Variants in ATP11C observed in about 807,000 individuals in gnomAD.
ATP11C encodes the protein ATPase phospholipid transporting 11C (ATP11C blood group).
Under a neutral mutation model 97.4 loss-of-function variants are expected in ATP11C, and 36 were observed. That is an observed-to-expected ratio of 0.37 (90% CI 0.28 to 0.49). The LOEUF (loss-of-function observed/expected upper bound fraction) is 0.49, where lower values mean the gene tolerates loss of function less well. Among genes scored for constraint, ATP11C ranks in the 20% least tolerant of loss-of-function variants. The probability of loss-of-function intolerance (pLI) is 0.98; values close to 1 mark genes in which losing one functional copy is unlikely to be tolerated. For synonymous variants in ATP11C, 275 were observed against 290.9 expected (o/e 0.95, Z 0.56); for missense variants, 730 against 824.6 (o/e 0.89, Z 1.40).
At chrX:139,814,160 C>A (rs1448273586) in intron 5 of ATP11C, among the ~76,000 whole-genome samples, 2 of 109,897 alleles carry the variant, frequency 1.8e-5, no homozygotes, top group African/African-American at 3.3e-5. Context: ...TTGACATGGA[C>A]AAGTCAAAAA....
chrX:139,753,261 C>A (rs1257677554), intron 23 of ATP11C, among the ~76,000 whole-genome samples: 9 of 111,489 alleles, frequency 8.1e-5, no homozygotes, highest in Non-Finnish European at 1.7e-4. Flanking sequence ...AAAAATCATA[C>A]CAACCATACT....
At chrX:139,790,521 G>A (rs1287263503) in intron 12 of ATP11C, among the ~76,000 whole-genome samples, 2 of 108,834 alleles carry the variant, frequency 1.8e-5, no homozygotes, top group Non-Finnish European at 3.8e-5. Flanking sequence ...GGGCTAGTAC[G>A]TACATTACCC....
intron 1 of ATP11C, among the ~76,000 whole-genome samples, chrX:139,852,538 C>A (rs916725064): frequency 1.1e-5 from 1 of 91,103 alleles, no homozygotes; most frequent in Non-Finnish European, 2.1e-5. Context: ...TGACTCTGTG[C>A]GCAGACCAAG....
intron 28 of ATP11C, among the ~76,000 whole-genome samples, chrX:139,732,913 G>T (rs1025212279): frequency 9.0e-6 from 1 of 111,363 alleles, no homozygotes; most frequent in Non-Finnish European, 1.9e-5. Flanking sequence ...TATGTCCAGG[G>T]TCCATTGCCA....
intron 1 of ATP11C, among the ~76,000 whole-genome samples, chrX:139,877,675 TC>T (rs2084496551): frequency 8.9e-6 from 1 of 112,198 alleles, no homozygotes; most frequent in Admixed American, 9.5e-5. Flanking sequence ...TTTGCAAAAG[TC>T]CACTGTTGGC....
intron 1 of ATP11C, among the ~76,000 whole-genome samples, chrX:139,870,100 T>C (rs940839726): frequency 9.0e-6 from 1 of 111,433 alleles, no homozygotes; most frequent in Non-Finnish European, 1.9e-5. Flanking sequence ...AGGAAACTTT[T>C]GGAGGCAATA....
intron 1 of ATP11C, among the ~76,000 whole-genome samples, chrX:139,924,398 T>C (rs1262973440): frequency 8.9e-6 from 1 of 112,208 alleles, no homozygotes; most frequent in Non-Finnish European, 1.9e-5. Flanking sequence ...ATTAGCTTAA[T>C]GATCTTGGAC....
At chrX:139,923,363 A>C (rs1326944022) in intron 1 of ATP11C, among the ~76,000 whole-genome samples, 2 of 111,519 alleles carry the variant, frequency 1.8e-5, no homozygotes, top group Non-Finnish European at 3.8e-5. Flanking sequence ...TACTGCACTT[A>C]CTGTGTATGT....
intron 16 of ATP11C, among the ~76,000 whole-genome samples, chrX:139,784,968 C>A (rs2148722805): frequency 8.9e-6 from 1 of 111,781 alleles, no homozygotes; most frequent in Non-Finnish European, 1.9e-5. Flanking sequence ...TGTTCGAACA[C>A]CCAAGGCAGA....
At chrX:139,777,329 C>A (rs1285180463) in intron 18 of ATP11C, among the ~76,000 whole-genome samples, 1 of 109,491 alleles carries the variant, frequency 9.1e-6, no homozygotes, top group African/African-American at 3.3e-5. Context: ...TATAATAAAA[C>A]AAACCAATTA....
At chrX:139,795,607 A>T (rs1158690474) in intron 12 of ATP11C, among the ~76,000 whole-genome samples, 1 of 111,951 alleles carries the variant, frequency 8.9e-6, no homozygotes, top group East Asian at 2.8e-4. Context: ...AAAAAAGGGG[A>T]AAACTTTCTC....
chrX:139,885,588 T>C (rs1188792465), intron 1 of ATP11C: 1 of 112,018 alleles, frequency 8.9e-6, no homozygotes, highest in Non-Finnish European at 1.9e-5. Context: ...TTCATTTCTT[T>C]TATCCATGAT....
chrX:139,740,431 A>G (rs1209534529), intron 27 of ATP11C, among the ~76,000 whole-genome samples: 1 of 111,425 alleles, frequency 9.0e-6, no homozygotes. Context: ...AACTAAATGA[A>G]CTTTAAAGAC....
intron 1 of ATP11C, among the ~76,000 whole-genome samples, chrX:139,901,786 G>T (rs1386695510): frequency 8.9e-6 from 1 of 111,923 alleles, no homozygotes; most frequent in Non-Finnish European, 1.9e-5. Context: ...CAGAGAAGTA[G>T]AATGGGCAAC....
intron 3 of ATP11C, among the ~76,000 whole-genome samples, chrX:139,819,028 G>C (rs1204096464): frequency 9.0e-6 from 1 of 111,649 alleles, no homozygotes; most frequent in Non-Finnish European, 1.9e-5. Flanking sequence ...TTTCAGTTTT[G>C]ATATATTCCA....
At chrX:139,739,567 A>G (rs1194605105) in intron 27 of ATP11C, among the ~76,000 whole-genome samples, 3 of 111,544 alleles carry the variant, frequency 2.7e-5, no homozygotes, top group Non-Finnish European at 5.7e-5. Context: ...ACTTAATGAT[A>G]ATACTTCAGG....
chrX:139,926,307 T>C (rs1332836662), intron 1 of ATP11C, among the ~76,000 whole-genome samples: 1 of 110,618 alleles, frequency 9.0e-6, no homozygotes, highest in Non-Finnish European at 1.9e-5. Flanking sequence ...AAGAAAAAAA[T>C]AGTATTTTTT....
chrX:139,731,726 G>A lies in ATP11C; in HGVS notation c.3318C>T (p.Asp1106=). Residue 1106 remains aspartate (D), a synonymous_variant, in exon 29 of 30, where the codon GAC becomes GAT. Coordinates refer to ENST00000682941, the MANE Select transcript of ATP11C (RefSeq NM_001353812.2). ...RRNLSCRRAS[D]SLSARPSVRP... is the part of the protein sequence containing the mutation. ...TGACTGAAGGTCTGGCGGATAATGA[G>A]TCAGATGCCCTTCTACAGCTCAGAT... The A allele has an allele frequency of 8.4e-7, 1 of 1,193,794 alleles. No homozygotes were observed. The highest frequency in any genetic ancestry group is 1.8e-5 in the South Asian group (1 of 54,761).
rs752224866 is a variant in ATP11C at position 139,922,819 on chromosome X, G to A, written c.27+9197C>T. ...TTTTGTTTTTTTGAGGCAGAGTCTC[G>A]CTCTATTACTCAGGCTGGAGTGCAG... On this transcript the variant is annotated intron_variant, in intron 1 of 29. Coordinates refer to ENST00000682941, the MANE Select transcript of ATP11C (RefSeq NM_001353812.2). 3.6e-5 allele frequency among the ~76,000 whole-genome samples: 4 copies of A among 111,264 alleles called. No homozygotes were observed. The East Asian group carries it at 8.5e-4, about 24-fold the overall frequency.
Sources: allele counts gnomAD v4.1 joint callset (sites outside exome capture counted in the v4.1 genomes callset), GRCh38; gene constraint gnomAD v4.1.1; transcripts MANE v1.5; gene names NCBI Gene and HGNC (gene_info 2026-07-23, HGNC 2026-07-21).